The following FGF14 variants were observed in gnomAD, a reference collection of about 807,000 sequenced individuals.
FGF14 encodes fibroblast growth factor homologous factor 4.
FGF14 carries 5 observed loss-of-function variants against 25.5 expected under a neutral mutation model. That is an observed-to-expected ratio of 0.20 (90% CI 0.10 to 0.41). The LOEUF is 0.41. FGF14 is among the 10% of genes least tolerant of loss of function. The probability of loss-of-function intolerance (pLI) is 1.00; values close to 1 mark genes in which losing one functional copy is unlikely to be tolerated. For missense variants in FGF14, 222 were observed against 320.1 expected (o/e 0.69, Z 2.34); for synonymous variants, 138 against 118.3 (o/e 1.17, Z -1.08).
chr13:102,395,159 C>T (rs2058549730), intron 1 of FGF14: 2 of 152,234 alleles, frequency 1.3e-5, no homozygotes, highest in Non-Finnish European at 2.9e-5. Context: ...CCGTCCAAAG[C>T]AACTGGAACT....
At chr13:101,984,729 T>G (rs1439800473) in intron 1 of FGF14, among the ~76,000 whole-genome samples, 3 of 152,096 alleles carry the variant, frequency 2.0e-5, no homozygotes, top group African/African-American at 7.2e-5. Context: ...CAAAGACACA[T>G]ACATGAAGTG....
At chr13:102,276,962 G>A (rs967472854) in intron 1 of FGF14, among the ~76,000 whole-genome samples, 2 of 152,170 alleles carry the variant, frequency 1.3e-5, no homozygotes, top group African/African-American at 2.4e-5. Flanking sequence ...CAAAAGTTAT[G>A]AAGCTAAGGG....
chr13:101,777,213 A>G (rs947440477), intron 3 of FGF14, among the ~76,000 whole-genome samples: 3 of 152,134 alleles, frequency 2.0e-5, no homozygotes, highest in African/African-American at 7.2e-5. Flanking sequence ...TTAACTTTTC[A>G]TCTAACTTCT....
At chr13:101,946,971 C>T (rs1594796391) in intron 1 of FGF14, among the ~76,000 whole-genome samples, 1 of 152,134 alleles carries the variant, frequency 6.6e-6, no homozygotes, top group South Asian at 2.1e-4. Context: ...TTTTTATCCA[C>T]TTAATGCTGA....
intron 1 of FGF14, among the ~76,000 whole-genome samples, chr13:101,934,153 C>T (rs902085323): frequency 3.3e-5 from 5 of 152,194 alleles, no homozygotes; most frequent in Non-Finnish European, 5.9e-5. Flanking sequence ...AATTAGAAAG[C>T]AGTCTGCAAG....
intron 1 of FGF14, among the ~76,000 whole-genome samples, chr13:101,945,833 G>T (rs2031163): frequency 0.23 from 34,739 of 152,024 alleles, 6,290 homozygotes; most frequent in African/African-American, 0.5. Flanking sequence ...AACGCCCACG[G>T]AGCATTATGG....
intron 1 of FGF14, among the ~76,000 whole-genome samples, chr13:102,392,478 T>G (rs941762308): frequency 4.6e-5 from 7 of 152,208 alleles, no homozygotes; most frequent in Admixed American, 2.0e-4. Context: ...CAAGATGAAC[T>G]TTTTATCCCA....
At chr13:102,263,418 A>G (rs1185454678) in intron 1 of FGF14, among the ~76,000 whole-genome samples, 1 of 152,204 alleles carries the variant, frequency 6.6e-6, no homozygotes, top group Non-Finnish European at 1.5e-5. Context: ...AAGGGTTTAC[A>G]TAATACCACA....
chr13:102,292,585 T>C (rs1009239759), intron 1 of FGF14: 1 of 152,210 alleles, frequency 6.6e-6, no homozygotes, highest in Non-Finnish European at 1.5e-5. Context: ...CTTCAGGGTT[T>C]TGGGTAAGCC....
intron 1 of FGF14, among the ~76,000 whole-genome samples, chr13:102,217,093 T>C (rs2050406669): frequency 6.6e-6 from 1 of 152,238 alleles, no homozygotes; most frequent in Admixed American, 6.5e-5. Context: ...TGGCTATTTG[T>C]GAATAGGGCT....
chr13:101,841,748 T>C (rs1292598590), intron 3 of FGF14, among the ~76,000 whole-genome samples: 1 of 151,946 alleles, frequency 6.6e-6, no homozygotes, highest in African/African-American at 2.4e-5. Flanking sequence ...CAAACTGTCT[T>C]GTTGTCAGTG....
chr13:101,809,481 C>T (rs1435256347), intron 3 of FGF14, among the ~76,000 whole-genome samples: 2 of 152,104 alleles, frequency 1.3e-5, no homozygotes, highest in Non-Finnish European at 1.5e-5. Context: ...CTCCATTTTG[C>T]TGCTTCAGTA....
upstream of FGF14, among the ~76,000 whole-genome samples, chr13:101,921,023 AC>A (rs1469591566): frequency 6.7e-6 from 1 of 148,806 alleles, no homozygotes; most frequent in African/African-American, 2.4e-5. Context: ...TGTTCCCTCT[AC>A]CTGGAAAATT....
chr13:101,770,281 G>A (rs1360625302), intron 3 of FGF14, among the ~76,000 whole-genome samples: 1 of 151,998 alleles, frequency 6.6e-6, no homozygotes, highest in Non-Finnish European at 1.5e-5. Flanking sequence ...TTACATTAAT[G>A]CTGTTAGTAA....
chr13:101,900,694 T>C (rs1252134308), intron 1 of FGF14, among the ~76,000 whole-genome samples: 1 of 152,158 alleles, frequency 6.6e-6, no homozygotes, highest in Non-Finnish European at 1.5e-5. Context: ...GAAAAGCACA[T>C]GAGGAGCGTT....
intron 1 of FGF14, among the ~76,000 whole-genome samples, chr13:101,930,588 A>T (rs756758555): frequency 1.3e-5 from 2 of 152,264 alleles, no homozygotes; most frequent in South Asian, 4.2e-4. Context: ...TTTTCCATCA[A>T]CTTTCCTTGG....
chr13:101,798,631 T>A (rs1323476008), intron 3 of FGF14, among the ~76,000 whole-genome samples: 1 of 152,160 alleles, frequency 6.6e-6, no homozygotes, highest in Non-Finnish European at 1.5e-5. Flanking sequence ...TAATGAAGAA[T>A]CTTGCTATGA....
chr13:101,783,407 T>G (rs1056815249), intron 3 of FGF14, among the ~76,000 whole-genome samples: 1 of 151,814 alleles, frequency 6.6e-6, no homozygotes, highest in Non-Finnish European at 1.5e-5. Flanking sequence ...GAGGCGGAGA[T>G]TGCAGTGAGC....
chr13:102,328,782 C>A (rs1189455462), intron 1 of FGF14, among the ~76,000 whole-genome samples: 2 of 152,088 alleles, frequency 1.3e-5, no homozygotes, highest in African/African-American at 4.8e-5. Flanking sequence ...TAAATGGAGC[C>A]CTAACACTGC....
Sources: gnomAD v4.1 joint callset for allele counts (sites outside exome capture counted in the v4.1 genomes callset) on GRCh38, gnomAD v4.1.1 for gene constraint, MANE v1.5 for transcripts, NCBI Gene and HGNC (gene_info 2026-07-23, HGNC 2026-07-21) for gene names.